Variants in PELI2 observed in about 807,000 individuals in gnomAD.
The protein encoded by PELI2 is pellino E3 ubiquitin protein ligase family member 2, also known as E3 ubiquitin-protein ligase pellino homolog 2.
PELI2 carries 23 observed loss-of-function variants against 42.3 expected under a neutral mutation model. The ratio of observed to expected loss-of-function variants is 0.54; its 90% CI spans 0.39 to 0.77. The LOEUF is 0.77. Ranked by LOEUF, PELI2 falls within the 30% of genes least tolerant of loss-of-function variation. PELI2 has a pLI of 0.00. For synonymous variants in PELI2, 245 were observed against 212.2 expected (o/e 1.15, Z -1.34); for missense variants, 463 against 553.2 (o/e 0.84, Z 1.64).
intron 5 of PELI2, among the ~76,000 whole-genome samples, chr14:56,292,332 T>G (rs1889855810): frequency 6.6e-6 from 1 of 152,216 alleles, no homozygotes; most frequent in African/African-American, 2.4e-5. Context: ...GATACATTCT[T>G]CCTGCAATCT....
At chr14:56,120,298 C>T (rs1030717078) in intron 1 of PELI2, among the ~76,000 whole-genome samples, 1 of 152,170 alleles carries the variant, frequency 6.6e-6, no homozygotes, top group African/African-American at 2.4e-5. Context: ...ACACTGTGAA[C>T]TTGACGCGGA....
chr14:56,229,658 GC>G (rs1314168640), intron 2 of PELI2, among the ~76,000 whole-genome samples: 8 of 152,168 alleles, frequency 5.3e-5, no homozygotes, highest in African/African-American at 2.4e-5. Flanking sequence ...GAGCAGAAAA[GC>G]TGAAAATTCT....
Position 56,297,554 on chromosome 14 carries a change from A to G in PELI2, c.*388A>G, listed in dbSNP as rs1025236041. ...TCAAAAGTGTGGGCTCATGAAGTTCACTTCAGTGCAGTGTGGTGTAGGTGT... is the reference window on the plus strand; with the variant it reads ...TCAAAAGTGTGGGCTCATGAAGTTCGCTTCAGTGCAGTGTGGTGTAGGTGT... On this transcript the variant is annotated 3_prime_UTR_variant, in exon 6 of 6. Coordinates refer to ENST00000267460, the MANE Select transcript of PELI2 (RefSeq NM_021255.3). 2 of 220,888 alleles carry G rather than the reference A, an allele frequency of 9.1e-6. No individual in the cohort carries two copies. Among genetic ancestry groups the G allele is most frequent in the African/African-American group, 4.6e-5 (2 of 43,054 alleles). 13.7% of individuals were successfully genotyped at this position (220,888 alleles called of 1,614,324 possible).
At chr14:56,124,750 T>G (rs879474647) in intron 1 of PELI2, among the ~76,000 whole-genome samples, 3 of 152,160 alleles carry the variant, frequency 2.0e-5, no homozygotes, top group African/African-American at 4.8e-5. Context: ...CAGGATGAGA[T>G]GGGGATGACC....
At chr14:56,120,270 C>T (rs1013586852) in intron 1 of PELI2, among the ~76,000 whole-genome samples, 1 of 152,224 alleles carries the variant, frequency 6.6e-6, no homozygotes, top group Non-Finnish European at 1.5e-5. Context: ...GTTTGTGTGG[C>T]TGGCTTCAGT....
chr14:56,225,533 T>C (rs1887316640), intron 2 of PELI2, among the ~76,000 whole-genome samples: 1 of 152,136 alleles, frequency 6.6e-6, no homozygotes, highest in African/African-American at 2.4e-5. Flanking sequence ...GGAGCACATT[T>C]TCAAGTGAGG....
At chr14:56,179,087 T>C (rs1417235174) in intron 2 of PELI2, among the ~76,000 whole-genome samples, 1 of 152,222 alleles carries the variant, frequency 6.6e-6, no homozygotes, top group Non-Finnish European at 1.5e-5. Context: ...AAAAAACTGG[T>C]TATTTGTTTT....
At chr14:56,206,906 T>G (rs1040237234) in intron 2 of PELI2, among the ~76,000 whole-genome samples, 1 of 152,220 alleles carries the variant, frequency 6.6e-6, no homozygotes, top group Non-Finnish European at 1.5e-5. Context: ...GCATGTTATG[T>G]GAGAATGACT....
intron 5 of PELI2, among the ~76,000 whole-genome samples, chr14:56,290,835 T>C (rs889115136): frequency 7.2e-5 from 11 of 152,218 alleles, no homozygotes; most frequent in Admixed American, 6.5e-4. Context: ...GTAAAAATTA[T>C]GCATTAAGGA....
At chr14:56,146,659 GAATATAGTACAA>G (rs760040861) in intron 1 of PELI2, among the ~76,000 whole-genome samples, 103 of 152,300 alleles carry the variant, frequency 6.8e-4, no homozygotes, top group South Asian at 2.3e-3. Context: ...TGTACTATTG[GAATATAGTACAA>G]ACTTGTGAAG....
At chr14:56,123,826 T>TG (rs1259977208) in intron 1 of PELI2, among the ~76,000 whole-genome samples, 1 of 152,190 alleles carries the variant, frequency 6.6e-6, no homozygotes, top group African/African-American at 2.4e-5. Flanking sequence ...AAATAGCCGT[T>TG]GCTATATTTG....
At chr14:56,285,619 A>G (rs1161618573) in intron 3 of PELI2, among the ~76,000 whole-genome samples, 4 of 152,148 alleles carry the variant, frequency 2.6e-5, no homozygotes, top group African/African-American at 7.2e-5. Context: ...GGACCGGCAT[A>G]TGCTGGCTCA....
Position 56,297,586 on chromosome 14 carries a change from A to T in PELI2, c.*420A>T, listed in dbSNP as rs1664789692. The T allele has an allele frequency of 5.5e-6, 1 of 183,098 alleles. No homozygotes were observed. The highest frequency in any genetic ancestry group is 2.4e-5 in the African/African-American group (1 of 41,940). The allele number at this position is 183,098 out of a possible 1,614,324, so 11.3% of individuals were successfully genotyped here. Reference sequence around the variant, plus strand: ...TGCAGTGTGGTGTAGGTGTTACGCGAAGGGCGCACAGTGTCTAGAAATACT... The same window carrying T: ...TGCAGTGTGGTGTAGGTGTTACGCGTAGGGCGCACAGTGTCTAGAAATACT... On this transcript the variant is annotated 3_prime_UTR_variant, in exon 6 of 6. Coordinates refer to ENST00000267460, the MANE Select transcript of PELI2 (RefSeq NM_021255.3).
At chr14:56,238,355 C>T (rs5008736) in intron 2 of PELI2, among the ~76,000 whole-genome samples, 63,673 of 151,804 alleles carry the variant, frequency 0.42, 13,716 homozygotes, top group South Asian at 0.53. Flanking sequence ...ATTGCTGTTT[C>T]GTATTAACTG....
At chr14:56,154,960 T>A (rs1288490426) in intron 1 of PELI2, among the ~76,000 whole-genome samples, 1 of 152,226 alleles carries the variant, frequency 6.6e-6, no homozygotes, top group Non-Finnish European at 1.5e-5. Flanking sequence ...TAATTTGTGT[T>A]TTTTTGATTA....
intron 2 of PELI2, among the ~76,000 whole-genome samples, chr14:56,259,498 G>A (rs551701740): frequency 2.6e-5 from 4 of 152,150 alleles, no homozygotes; most frequent in East Asian, 1.9e-4. Context: ...TTGGTTAATC[G>A]TTCAAAAGTT....
Position 56,288,296 on chromosome 14 carries a change from A to G in PELI2, c.310-141A>G. 1 of 656,680 alleles carries G rather than the reference A, an allele frequency of 1.5e-6. No homozygotes were observed. Among genetic ancestry groups the G allele is most frequent in the South Asian group, 1.9e-5 (1 of 52,188 alleles). 40.7% of individuals were successfully genotyped at this position (656,680 alleles called of 1,614,324 possible). The stretch of plus-strand genomic sequence containing the variant: ...CTAGTTAAATAGGAAAAGGAGCACG[A>G]ATGAAAATCTTGCATTAAATTCTAA... On this transcript the variant is annotated intron_variant, in intron 3 of 5. Transcript: ENST00000267460. The surrounding 1 kb of genome is among the most constrained non-coding windows in gnomAD (Gnocchi z 4.6).
intron 2 of PELI2, among the ~76,000 whole-genome samples, chr14:56,250,634 A>C (rs1888313047): frequency 6.6e-6 from 1 of 152,176 alleles, no homozygotes; most frequent in Non-Finnish European, 1.5e-5. Flanking sequence ...TGGTAGAAAT[A>C]TGAAGACTAG....
chr14:56,280,441 A>G (rs965053450), intron 3 of PELI2, among the ~76,000 whole-genome samples: 2 of 152,156 alleles, frequency 1.3e-5, no homozygotes, highest in Non-Finnish European at 2.9e-5. Flanking sequence ...ATTAATGAAT[A>G]TATTCCAGAT....
Sources: gnomAD v4.1 joint callset for allele counts (sites outside exome capture counted in the v4.1 genomes callset) on GRCh38, gnomAD v4.1.1 for gene constraint, Gnocchi (gnomAD v3.1) non-coding constraint, MANE v1.5 for transcripts, NCBI Gene and HGNC (gene_info 2026-07-23, HGNC 2026-07-21) for gene names.